The following HMX1 variants were observed in gnomAD, a reference collection of about 807,000 sequenced individuals.
HMX1 encodes the protein H6 family homeobox 1.
A neutral mutation model predicts 8.9 loss-of-function variants in HMX1; 8 were observed. That is an observed-to-expected ratio of 0.90 (90% CI 0.53 to 1.63). HMX1 has a LOEUF of 1.63. HMX1 is among the 40% of genes most tolerant of loss of function. The pLI is 0.00. For missense variants in HMX1, 621 were observed against 558.5 expected (o/e 1.11, Z -1.13); for synonymous variants, 311 against 283.4 (o/e 1.10, Z -0.98).
At chr4:8,869,414 G>C (rs1722136745) in intron 1 of HMX1, among the ~76,000 whole-genome samples, 1 of 152,254 alleles carries the variant, frequency 6.6e-6, no homozygotes, top group East Asian at 1.9e-4. Flanking sequence ...GGCAGGCCCA[G>C]GTTGACAGGT....
exon 2 of HMX1, chr4:8,846,171 G>C (rs1210552044): frequency 1.6e-6 from 2 of 1,212,336 alleles, no homozygotes; most frequent in East Asian, 2.5e-5. Flanking sequence ...GGCTGACAAA[G>C]GCTCCACCGT....
rs2109450646 is a variant in HMX1 at position 8,847,276 on chromosome 4, A to T, written c.395-952T>A. ...TAGCAAGACTCTGTCTTTAAAAATT[A>T]AAAAAAATAATAATTTAATTTAATT... On this transcript the variant is annotated intron_variant, in intron 1 of 1. Coordinates refer to the HMX1 transcript ENST00000506970. This position sits in a 1 kb window ranked among gnomAD's most constrained non-coding sequence, Gnocchi z 6.0. Among the ~76,000 whole-genome samples the T allele has an allele frequency of 6.6e-6, 1 of 152,202 alleles. No individual in the cohort carries two copies. The highest frequency in any genetic ancestry group is 2.1e-4 in the South Asian group (1 of 4,808).
At chr4:8,866,871 T>C (rs906172589), downstream of HMX1, among the ~76,000 whole-genome samples, 4 of 152,116 alleles carry the variant, frequency 2.6e-5, no homozygotes, top group African/African-American at 4.8e-5. Flanking sequence ...TGGTGTGTCA[T>C]AGAAGAGGGG....
chr4:8,866,993 C>T (rs1722018607), downstream of HMX1: 2 of 863,106 alleles, frequency 2.3e-6, no homozygotes, highest in Non-Finnish European at 2.8e-6. Context: ...GGAGGGACGG[C>T]ACCCAGCGCA....
In HMX1 at chr4:8,847,251, T is replaced by C. The variant is rs1198074393; in HGVS notation, c.395-927A>G. On this transcript the variant is annotated intron_variant, in intron 1 of 1. Transcript: ENST00000506970. The surrounding 1 kb of genome is among the most constrained non-coding windows in gnomAD (Gnocchi z 6.0). ...GAGCTCCAGTCCAGCCTGAGTAACGTAGCAAGACTCTGTCTTTAAAAATTA... is the reference window on the plus strand; with the variant it reads ...GAGCTCCAGTCCAGCCTGAGTAACGCAGCAAGACTCTGTCTTTAAAAATTA... 2.6e-5 allele frequency among the ~76,000 whole-genome samples: 4 copies of C among 152,284 alleles called. No homozygotes were observed. Among genetic ancestry groups the C allele is most frequent in the South Asian group, 4.1e-4 (2 of 4,834 alleles).
intron 1 of HMX1, among the ~76,000 whole-genome samples, chr4:8,854,646 C>G (rs1668712637): frequency 6.6e-6 from 1 of 152,232 alleles, no homozygotes; most frequent in Non-Finnish European, 1.5e-5. Flanking sequence ...GCTTGCCAGA[C>G]CACACGCTCA....
At chr4:8,851,332 T>C (rs1721443137) in intron 1 of HMX1, among the ~76,000 whole-genome samples, 1 of 152,172 alleles carries the variant, frequency 6.6e-6, no homozygotes, top group African/African-American at 2.4e-5. Context: ...TAGATCCAGC[T>C]TGGGAGAGAC....
chr4:8,861,946 C>T (rs970659732), intron 1 of HMX1, among the ~76,000 whole-genome samples: 2 of 152,256 alleles, frequency 1.3e-5, no homozygotes, highest in Non-Finnish European at 1.5e-5. Context: ...GTCGGAACCA[C>T]GTCCGCGTGG....
chr4:8,857,679 G>C (rs1026257844), intron 1 of HMX1, among the ~76,000 whole-genome samples: 8 of 152,314 alleles, frequency 5.3e-5, no homozygotes, highest in Non-Finnish European at 1.0e-4. Context: ...CGTTCGCCCT[G>C]GGTCTGAGTC....
In HMX1 at chr4:8,870,754, T is replaced by C. The variant is rs1430260383; in HGVS notation, c.394+467A>G. On this transcript the variant is annotated intron_variant, in intron 1 of 1. Transcript: ENST00000400677. This position sits in a 1 kb window ranked among gnomAD's most constrained non-coding sequence, Gnocchi z 4.4. ...TTTCCCTCCATCTCTTCCTCCTCTT[T>C]TCTCTCTCGGATCACTCTTGGGTTT... Among the ~76,000 whole-genome samples the C allele has an allele frequency of 6.6e-6, 1 of 151,488 alleles. No individual in the cohort carries two copies. The highest frequency in any genetic ancestry group is 1.5e-5 in the Non-Finnish European group (1 of 67,870).
chr4:8,867,776 C>T lies in HMX1; in HGVS notation c.964G>A (p.Gly322Arg), dbSNP rs763505877. The change falls in exon 2 of 2, where the codon GGG becomes AGG. Residue 322 changes from glycine (G) to arginine (R), a missense_variant. By Grantham distance (125) the Gly-to-Arg change is moderately radical. Coordinates refer to ENST00000400677, the MANE Select transcript of HMX1 (RefSeq NM_018942.3). ...GCGGCCAGCGGGTAGGCGAGGGCCC[C>T]GGAGAAGCCGAGCAGCGGTGGGGGC... is the stretch of plus-strand genomic sequence containing the variant. ...APPPPLLGFSGALAYPLAAFP... is the reference protein window; with the variant it reads ...APPPPLLGFSRALAYPLAAFP... 34 of 1,269,608 alleles carry T rather than the reference C, an allele frequency of 2.7e-5. No homozygotes were observed. Among genetic ancestry groups the T allele is most frequent in the Admixed American group, 7.9e-5 (2 of 25,176 alleles). The allele number at this position is 1,269,608 out of a possible 1,614,324, so 78.6% of individuals were successfully genotyped here.
At chr4:8,850,415 T>C (rs568168275) in intron 1 of HMX1, among the ~76,000 whole-genome samples, 6 of 152,212 alleles carry the variant, frequency 3.9e-5, no homozygotes, top group South Asian at 4.1e-4. Flanking sequence ...CTGAAGCTCA[T>C]TGTGGCCCCT....
At chr4:8,861,420 C>T (rs1433462099) in intron 1 of HMX1, among the ~76,000 whole-genome samples, 1 of 152,192 alleles carries the variant, frequency 6.6e-6, no homozygotes, top group Non-Finnish European at 1.5e-5. Context: ...GTCTCCCCGA[C>T]CCCGACTCGG....
At position 8,867,702 on chromosome 4, in the gene HMX1, G is replaced by C; in HGVS notation, c.1038C>G (p.Gly346=). ...GCCCGGCAGGCGGGGCTCACACCAG[G>C]CCAGGCATCTGCGCCCGCAGAAAGG... ...SVPFLRAQMP[G]LV is the part of the protein sequence containing the mutation. The change falls in exon 2 of 2, where the codon GGC becomes GGG. Residue 346 remains glycine, a synonymous_variant. Coordinates refer to ENST00000400677, the MANE Select transcript of HMX1 (RefSeq NM_018942.3). The C allele has an allele frequency of 7.9e-7, 1 of 1,272,360 alleles. No homozygotes were observed. Among genetic ancestry groups the C allele is most frequent in the Non-Finnish European group, 9.9e-7 (1 of 1,013,690 alleles). The allele number at this position is 1,272,360 out of a possible 1,614,324, so 78.8% of individuals were successfully genotyped here. A position where few individuals can be genotyped will look rare whatever the true frequency, so the allele number is the denominator to read the frequency against.
chr4:8,851,051 T>G (rs1232765463), intron 1 of HMX1, among the ~76,000 whole-genome samples: 2 of 152,278 alleles, frequency 1.3e-5, no homozygotes, highest in African/African-American at 4.8e-5. Context: ...TCTGGAATTC[T>G]GAACGGCATT....
rs1470339628 is a variant in HMX1 at position 8,867,389 on chromosome 4, C to A, written c.*304G>T. On this transcript the variant is annotated 3_prime_UTR_variant, in exon 2 of 2. Transcript: ENST00000400677. Reference sequence around the variant, plus strand: ...GCTGCCCCGGGTGGCCATGGCCGACCGCTCCTCGCTGAGGCCGGGGGGTGG... The same window carrying A: ...GCTGCCCCGGGTGGCCATGGCCGACAGCTCCTCGCTGAGGCCGGGGGGTGG... 3.8e-6 allele frequency: 4 copies of A among 1,055,684 alleles called. No homozygotes were observed. The highest frequency in any genetic ancestry group is 2.3e-6 in the Non-Finnish European group (2 of 877,354). 65.4% of individuals were successfully genotyped at this position (1,055,684 alleles called of 1,614,324 possible). A position where few individuals can be genotyped will look rare whatever the true frequency, so the allele number is the denominator to read the frequency against.
chr4:8,858,632 G>C (rs867993107), intron 1 of HMX1: 7 of 152,186 alleles, frequency 4.6e-5, no homozygotes, highest in African/African-American at 1.7e-4. Context: ...CCCCCGGGCG[G>C]CCGGGGCCTC....
Position 8,853,533 on chromosome 4 carries a change from A to G in HMX1, c.395-7209T>C, listed in dbSNP as rs1189235100. On this transcript the variant is annotated intron_variant, in intron 1 of 1. Transcript: ENST00000506970. This position sits in a 1 kb window ranked among gnomAD's most constrained non-coding sequence, Gnocchi z 4.7. ...AGCTAAGTGCCCAACTGAAATCCAGAAGGGTTCAATTAGTAAAAGGTAAAA... is the reference window on the plus strand; with the variant it reads ...AGCTAAGTGCCCAACTGAAATCCAGGAGGGTTCAATTAGTAAAAGGTAAAA... 6.6e-6 allele frequency among the ~76,000 whole-genome samples: 1 copy of G among 152,200 alleles called. No individual in the cohort carries two copies. Among genetic ancestry groups the G allele is most frequent in the Non-Finnish European group, 1.5e-5 (1 of 68,040 alleles).
At position 8,867,667 on chromosome 4, in the gene HMX1, T is replaced by C. The variant is rs1204906865; in HGVS notation, c.*26A>G. 26 of 1,236,566 alleles carry C rather than the reference T, an allele frequency of 2.1e-5. No individual in the cohort carries two copies. The highest frequency in any genetic ancestry group is 2.5e-5 in the Non-Finnish European group (25 of 990,410). The allele number at this position is 1,236,566 out of a possible 1,614,324, so 76.6% of individuals were successfully genotyped here. A position where few individuals can be genotyped will look rare whatever the true frequency, so the allele number is the denominator to read the frequency against. On this transcript the variant is annotated 3_prime_UTR_variant, in exon 2 of 2. Transcript: ENST00000400677. ...GCGTCCACACAGGTCCACAGGGTCG[T>C]GGGGAGAGGGCCCGGCAGGCGGGGC...
Sources: gnomAD v4.1 joint callset for allele counts (sites outside exome capture counted in the v4.1 genomes callset) on GRCh38, gnomAD v4.1.1 for gene constraint, Gnocchi (gnomAD v3.1) non-coding constraint, MANE v1.5 for transcripts, NCBI Gene and HGNC (gene_info 2026-07-23, HGNC 2026-07-21) for gene names.